LUZP2: variants seen among roughly 807,000 people sequenced by gnomAD.
LUZP2 encodes the protein leucine zipper protein 2.
A neutral mutation model predicts 51.6 loss-of-function variants in LUZP2; 52 were observed. The observed-to-expected ratio is 1.01, with a 90% CI of 0.81 to 1.27. LUZP2 has a LOEUF of 1.27. LUZP2 is among the 50% of genes most tolerant of loss of function. The pLI is 0.00. For missense variants in LUZP2, 436 were observed against 395.4 expected (o/e 1.10, Z -0.87); for synonymous variants, 154 against 137.3 (o/e 1.12, Z -0.85).
chr11:24,788,114 A>G (rs1450042152), intron 5 of LUZP2, among the ~76,000 whole-genome samples: 2 of 151,738 alleles, frequency 1.3e-5, no homozygotes, highest in Non-Finnish European at 2.9e-5. Context: ...CAATCCTGAA[A>G]TTCTGTAAAT....
intron 1 of LUZP2, among the ~76,000 whole-genome samples, chr11:24,540,108 A>G (rs569030437): frequency 1.3e-5 from 2 of 152,224 alleles, no homozygotes; most frequent in African/African-American, 4.8e-5. Context: ...TGAAACTTGC[A>G]TTGTGGGGAA....
chr11:24,804,394 A>G (rs189719646), intron 5 of LUZP2, among the ~76,000 whole-genome samples: 16 of 152,302 alleles, frequency 1.1e-4, no homozygotes, highest in Non-Finnish European at 1.3e-4. Context: ...AGCTACCCCT[A>G]TAATAAAAGA....
chr11:24,953,802 C>A (rs978814813), intron 7 of LUZP2, among the ~76,000 whole-genome samples: 12 of 152,010 alleles, frequency 7.9e-5, no homozygotes, highest in African/African-American at 2.9e-4. Context: ...ATACCTGGCA[C>A]TATTCTGGTA....
At chr11:24,700,887 T>G (rs1023190811) in intron 1 of LUZP2, among the ~76,000 whole-genome samples, 1 of 152,168 alleles carries the variant, frequency 6.6e-6, no homozygotes, top group Non-Finnish European at 1.5e-5. Flanking sequence ...TAGATTTGAC[T>G]TGAGGAAGAT....
intron 1 of LUZP2, among the ~76,000 whole-genome samples, chr11:24,650,370 T>G (rs1855589874): frequency 6.6e-6 from 1 of 151,788 alleles, no homozygotes; most frequent in Admixed American, 6.6e-5. Context: ...CTTATAATTT[T>G]GGGTGTCTTA....
At chr11:24,997,737 G>T (rs1235870251) in intron 9 of LUZP2, among the ~76,000 whole-genome samples, 8 of 152,086 alleles carry the variant, frequency 5.3e-5, no homozygotes, top group Non-Finnish European at 1.5e-5. Context: ...TTCTTCTAGG[G>T]TTTTTATGGT....
chr11:24,928,881 T>C (rs1854359954), intron 7 of LUZP2, among the ~76,000 whole-genome samples: 1 of 152,036 alleles, frequency 6.6e-6, no homozygotes, highest in East Asian at 1.9e-4. Flanking sequence ...TTGTTTGCAA[T>C]ATTTTATTAC....
intron 3 of LUZP2, among the ~76,000 whole-genome samples, chr11:24,734,434 A>G (rs1445386530): frequency 6.6e-6 from 1 of 151,934 alleles, no homozygotes; most frequent in Non-Finnish European, 1.5e-5. Context: ...GGTAAAGTAT[A>G]TAAACTACCA....
At chr11:24,908,401 C>T (rs1017079127) in intron 6 of LUZP2, among the ~76,000 whole-genome samples, 3 of 152,100 alleles carry the variant, frequency 2.0e-5, no homozygotes, top group African/African-American at 2.4e-5. Flanking sequence ...GCTAAAATAT[C>T]CTATCATGGC....
At chr11:24,707,486 C>T (rs1291488823) in intron 1 of LUZP2, among the ~76,000 whole-genome samples, 2 of 152,076 alleles carry the variant, frequency 1.3e-5, no homozygotes, top group African/African-American at 4.8e-5. Flanking sequence ...TCCAGAGATA[C>T]TAGAACTCTT....
chr11:24,992,422 A>T (rs1467689848), intron 9 of LUZP2, among the ~76,000 whole-genome samples: 4 of 152,132 alleles, frequency 2.6e-5, no homozygotes, highest in Non-Finnish European at 5.9e-5. Flanking sequence ...TAAATATGAT[A>T]AAATACAATA....
intron 1 of LUZP2, among the ~76,000 whole-genome samples, chr11:24,684,658 C>T (rs189002796): frequency 2.5e-3 from 379 of 152,296 alleles, no homozygotes; most frequent in Non-Finnish European, 4.5e-3. Flanking sequence ...TTTTCTTGCC[C>T]TTATGGGAGG....
At chr11:24,719,275 T>G (rs2133947650) in intron 1 of LUZP2, among the ~76,000 whole-genome samples, 1 of 152,336 alleles carries the variant, frequency 6.6e-6, no homozygotes, top group South Asian at 2.1e-4. Flanking sequence ...TAGAGTCAAA[T>G]AAAAATGTTC....
rs1273763771 is a variant in LUZP2 at position 25,005,625 on chromosome 11, T to C, written c.765+22332T>C. Among the ~76,000 whole-genome samples the C allele has an allele frequency of 1.3e-5, 2 of 152,136 alleles. 1 individual carries two copies. Among genetic ancestry groups the C allele is most frequent in the Non-Finnish European group, 2.9e-5 (2 of 68,040 alleles). Reference sequence around the variant, plus strand: ...AAACCACCCATGGTTTTGGTTTGTTTGTTTCCCGCTGCCCAAGAACCCGCA... The same window carrying C: ...AAACCACCCATGGTTTTGGTTTGTTCGTTTCCCGCTGCCCAAGAACCCGCA... On this transcript the variant is annotated intron_variant, in intron 9 of 11. Coordinates refer to ENST00000336930, the MANE Select transcript of LUZP2 (RefSeq NM_001009909.4).
chr11:24,657,271 CTT>C (rs1855840258), intron 1 of LUZP2, among the ~76,000 whole-genome samples: 1 of 152,072 alleles, frequency 6.6e-6, no homozygotes, highest in African/African-American at 2.4e-5. Flanking sequence ...ACAGGACAAA[CTT>C]ATATATTAAA....
At chr11:24,788,179 A>C (rs1383300125) in intron 5 of LUZP2, among the ~76,000 whole-genome samples, 2 of 93,568 alleles carry the variant, frequency 2.1e-5, no homozygotes, top group Non-Finnish European at 2.2e-5. Context: ...TTTTGTTTTT[A>C]ATTTTTTTTT....
At chr11:25,022,587 A>C (rs141383312) in intron 9 of LUZP2, among the ~76,000 whole-genome samples, 140 of 152,212 alleles carry the variant, frequency 9.2e-4, no homozygotes, top group African/African-American at 3.1e-3. Context: ...GTATCAGTAA[A>C]CATCAGTTTA....
At chr11:24,858,500 A>G (rs561552061) in intron 5 of LUZP2, among the ~76,000 whole-genome samples, 2 of 152,230 alleles carry the variant, frequency 1.3e-5, no homozygotes, top group African/African-American at 4.8e-5. Flanking sequence ...ACACCTAGAG[A>G]AAATGGAATG....
At chr11:24,663,215 A>G (rs1856080429) in intron 1 of LUZP2, among the ~76,000 whole-genome samples, 2 of 152,136 alleles carry the variant, frequency 1.3e-5, no homozygotes. Flanking sequence ...AGGGGATTAG[A>G]TCATGGGGGC....
Sources: allele counts gnomAD v4.1 joint callset (sites outside exome capture counted in the v4.1 genomes callset), GRCh38; gene constraint gnomAD v4.1.1; transcripts MANE v1.5; gene names NCBI Gene and HGNC (gene_info 2026-07-23, HGNC 2026-07-21).